SMIM1: variants seen among roughly 807,000 people sequenced by gnomAD.
The protein encoded by SMIM1 is small integral membrane protein 1 (Vel blood group).
In SMIM1, 7 loss-of-function variants were observed where a neutral mutation model predicts 7.7. The ratio of observed to expected loss-of-function variants is 0.91; its 90% CI spans 0.52 to 1.71. SMIM1 has a LOEUF of 1.71. Among genes scored for constraint, SMIM1 ranks in the 40% most tolerant of loss-of-function variants. The pLI, the probability that SMIM1 is intolerant of heterozygous loss-of-function variation, is 0.00. For synonymous variants in SMIM1, 41 were observed against 42.7 expected, an observed-to-expected ratio of 0.96 and a Z score of 0.16; for missense variants, 95 against 102.8, an observed-to-expected ratio of 0.92 and a Z score of 0.33.
At position 3,775,028 on chromosome 1, in the gene SMIM1, C is replaced by A. The variant is rs9424296; in HGVS notation, c.-75-271C>A. Among the ~76,000 whole-genome samples the A allele has an allele frequency of 0.081, 12,340 of 152,170 alleles. 1,353 individuals are homozygous for A. The highest frequency in any genetic ancestry group is 0.54 in the East Asian group (2,792 of 5,150). ...TGTGCAGGCTCCCTGATAAAAGCAC[C>A]GGGGAAGGGAGGCTCCTGGAGTGTG... On this transcript the variant is annotated intron_variant, in intron 2 of 3. Coordinates refer to ENST00000642557, the MANE Select transcript of SMIM1 (RefSeq NM_001288583.2). The surrounding 1 kb of genome is among the most constrained non-coding windows in gnomAD (Gnocchi z 5.3).
At position 3,775,286 on chromosome 1, in the gene SMIM1, G is replaced by C; in HGVS notation, c.-75-13G>C. On this transcript the variant is annotated splice_polypyrimidine_tract_variant and intron_variant, in intron 2 of 3. Coordinates refer to ENST00000642557, the MANE Select transcript of SMIM1 (RefSeq NM_001288583.2). The surrounding 1 kb of genome is among the most constrained non-coding windows in gnomAD (Gnocchi z 5.3). ...GGGTCTTGACTGCCGCCCTCCATCCGCTTGTTTTACAGTGAAGCCACAGCC... is the reference window on the plus strand; with the variant it reads ...GGGTCTTGACTGCCGCCCTCCATCCCCTTGTTTTACAGTGAAGCCACAGCC... 1 of 994,308 alleles carries C rather than the reference G, an allele frequency of 1.0e-6. No individual in the cohort carries two copies. Among genetic ancestry groups the C allele is most frequent in the East Asian group, 2.7e-5 (1 of 36,992 alleles). The allele number at this position is 994,308 out of a possible 1,614,324, so 61.6% of individuals were successfully genotyped here.
intron 2 of SMIM1, among the ~76,000 whole-genome samples, chr1:3,774,969 G>A (rs1643435646): frequency 6.6e-6 from 1 of 152,110 alleles, no homozygotes; most frequent in Admixed American, 6.5e-5. Context: ...CCTAGATTGG[G>A]CCACAATGTC....
At chr1:3,773,471 A>G (rs2124602722) in intron 2 of SMIM1, among the ~76,000 whole-genome samples, 1 of 152,252 alleles carries the variant, frequency 6.6e-6, no homozygotes, top group Admixed American at 6.5e-5. Context: ...GCAAGACAGG[A>G]ACCCATGATC....
At position 3,775,604 on chromosome 1, in the gene SMIM1, G is replaced by A. The variant is rs1295591945; in HGVS notation, c.110+121G>A. The A allele has an allele frequency of 1.2e-5, 15 of 1,275,844 alleles. No homozygotes were observed. The East Asian group carries it at 1.5e-4, about 13-fold the overall frequency. The allele number at this position is 1,275,844 out of a possible 1,614,324, so 79.0% of individuals were successfully genotyped here. ...CACCCCATCCTGGCTGGGAGCCCAC[G>A]GTCCAGCAGCTCAGCAAACCGCAGC... On this transcript the variant is annotated intron_variant, in intron 3 of 3. Coordinates refer to ENST00000642557, the MANE Select transcript of SMIM1 (RefSeq NM_001288583.2). This position sits in a 1 kb window ranked among gnomAD's most constrained non-coding sequence, Gnocchi z 5.3.
At position 3,775,201 on chromosome 1, in the gene SMIM1, C is replaced by G. The variant is rs1643439304; in HGVS notation, c.-75-98C>G. Reference sequence around the variant, plus strand: ...GTCACCTGTTAAGTCAGGCGACAGACCCGGTGAGGGAGTCAGCCCCCGACC... The same window carrying G: ...GTCACCTGTTAAGTCAGGCGACAGAGCCGGTGAGGGAGTCAGCCCCCGACC... On this transcript the variant is annotated intron_variant, in intron 2 of 3. Coordinates refer to ENST00000642557, the MANE Select transcript of SMIM1 (RefSeq NM_001288583.2). This position sits in a 1 kb window ranked among gnomAD's most constrained non-coding sequence, Gnocchi z 5.3. 7.3e-6 allele frequency: 4 copies of G among 544,756 alleles called. No homozygotes were observed. In the South Asian group the frequency reaches 8.9e-5, roughly 12 times the overall value. 33.7% of individuals were successfully genotyped at this position (544,756 alleles called of 1,614,324 possible).
chr1:3,775,145 T>C lies in SMIM1; in HGVS notation c.-75-154T>C, dbSNP rs1643438275. 6.6e-6 allele frequency among the ~76,000 whole-genome samples: 1 copy of C among 152,080 alleles called. No homozygotes were observed. Among genetic ancestry groups the C allele is most frequent in the Non-Finnish European group, 1.5e-5 (1 of 67,998 alleles). ...TGGTCCCATCCTCCCGGCCTGACCC[T>C]GGGCAAATGACTCTACCACTTTGTG... On this transcript the variant is annotated intron_variant, in intron 2 of 3. Transcript: ENST00000642557. This position sits in a 1 kb window ranked among gnomAD's most constrained non-coding sequence, Gnocchi z 5.3.
chr1:3,775,761 C>G lies in SMIM1; in HGVS notation c.111-34C>G, dbSNP rs1207449850. The stretch of plus-strand genomic sequence containing the variant: ...TAGGGGGCCCCTCATGCGGCCCTGG[C>G]CTGGGGCTCACCTCCAGTTGGTTCT... On this transcript the variant is annotated intron_variant, in intron 3 of 3. Coordinates refer to ENST00000642557, the MANE Select transcript of SMIM1 (RefSeq NM_001288583.2). This position sits in a 1 kb window ranked among gnomAD's most constrained non-coding sequence, Gnocchi z 5.3. The G allele has an allele frequency of 6.5e-7, 1 of 1,544,118 alleles. No homozygotes were observed. The highest frequency in any genetic ancestry group is 1.4e-5 in the African/African-American group (1 of 73,020).
Position 3,775,557 on chromosome 1 carries a change from T to C in SMIM1, c.110+74T>C. 7.2e-7 allele frequency: 1 copy of C among 1,381,506 alleles called. No individual in the cohort carries two copies. Among genetic ancestry groups the C allele is most frequent in the South Asian group, 1.3e-5 (1 of 76,970 alleles). The allele number at this position is 1,381,506 out of a possible 1,614,324, so 85.6% of individuals were successfully genotyped here. The stretch of plus-strand genomic sequence containing the variant: ...CTCCAGAGACGCCTGCCCTAACCCC[T>C]GCTACCGGCCCCATCACCCTCCACC... On this transcript the variant is annotated intron_variant, in intron 3 of 3. Transcript: ENST00000642557. The surrounding 1 kb of genome is among the most constrained non-coding windows in gnomAD (Gnocchi z 5.3).
intron 2 of SMIM1, among the ~76,000 whole-genome samples, chr1:3,774,523 C>T (rs1280662732): frequency 6.6e-6 from 1 of 152,204 alleles, no homozygotes; most frequent in Non-Finnish European, 1.5e-5. Context: ...AGGCACCGAG[C>T]TGAGTGCCGA....
rs368765485 is a variant in SMIM1, at chr1:3,775,337, C to A, written c.-37C>A. Reference sequence around the variant, plus strand: ...TGGCCACCTGTCTTGATCTCCCCACCGAGAAGGCCCCGCCCCTCCCGCTGC... The same window carrying A: ...TGGCCACCTGTCTTGATCTCCCCACAGAGAAGGCCCCGCCCCTCCCGCTGC... On this transcript the variant is annotated 5_prime_UTR_variant, in exon 3 of 4. Coordinates refer to ENST00000642557, the MANE Select transcript of SMIM1 (RefSeq NM_001288583.2). This position sits in a 1 kb window ranked among gnomAD's most constrained non-coding sequence, Gnocchi z 5.3. 5 of 1,506,852 alleles carry A rather than the reference C, an allele frequency of 3.3e-6. No individual in the cohort carries two copies. Among genetic ancestry groups the A allele is most frequent in the South Asian group, 1.2e-5 (1 of 82,754 alleles). The allele number at this position is 1,506,852 out of a possible 1,614,324, so 93.3% of individuals were successfully genotyped here.
chr1:3,774,812 C>T (rs950600185), intron 2 of SMIM1, among the ~76,000 whole-genome samples: 1 of 152,156 alleles, frequency 6.6e-6, no homozygotes. Flanking sequence ...GCATCCTCCC[C>T]AGACAGGGAC....
chr1:3,773,787 T>A (rs1258208813), intron 2 of SMIM1, among the ~76,000 whole-genome samples: 2 of 152,192 alleles, frequency 1.3e-5, no homozygotes, highest in African/African-American at 4.8e-5. Context: ...TCATGGCTGT[T>A]ACCTGGGGCT....
rs894907909 is a variant in SMIM1 at position 3,775,848 on chromosome 1, G to T, written c.164G>T (p.Gly55Val). The stretch of plus-strand genomic sequence containing the variant: ...CTGGGCATCGCCATGAAGGTGCTGG[G>T]CGGCGTGGCCCTCTTCTGGATCATC... Reference protein sequence around the residue: ...GKLGIAMKVLGGVALFWIIFI... With the variant: ...GKLGIAMKVLVGVALFWIIFI... The change falls in exon 4 of 4, where the codon GGC (glycine) becomes GTC (valine). Residue 55 changes from glycine to valine, a missense_variant. Transcript: ENST00000642557. The surrounding 1 kb of genome is among the most constrained non-coding windows in gnomAD (Gnocchi z 5.3). The T allele has an allele frequency of 2.3e-5, 35 of 1,550,980 alleles. No homozygotes were observed. The highest frequency in any genetic ancestry group is 3.1e-5 in the Non-Finnish European group (35 of 1,146,936).
Position 3,775,234 on chromosome 1 carries a change from C to A in SMIM1, c.-75-65C>A. ...GGGAGTCAGCCCCCGACCCTTAGTG[C>A]CCCTCTCCTAACAGCAGCCTCAGAG... On this transcript the variant is annotated intron_variant, in intron 2 of 3. Coordinates refer to ENST00000642557, the MANE Select transcript of SMIM1 (RefSeq NM_001288583.2). The surrounding 1 kb of genome is among the most constrained non-coding windows in gnomAD (Gnocchi z 5.3). The A allele has an allele frequency of 1.7e-6, 1 of 601,356 alleles. No individual in the cohort carries two copies. 37.3% of individuals were successfully genotyped at this position (601,356 alleles called of 1,614,324 possible). A position where few individuals can be genotyped will look rare whatever the true frequency, so the allele number is the denominator to read the frequency against.
chr1:3,775,722 G>T lies in SMIM1; in HGVS notation c.111-73G>T. Reference sequence around the variant, plus strand: ...GCCCCTCCCCCTGACCCAGACCAACGGCCACAGTCCACTTAGGGGGCCCCT... The same window carrying T: ...GCCCCTCCCCCTGACCCAGACCAACTGCCACAGTCCACTTAGGGGGCCCCT... On this transcript the variant is annotated intron_variant, in intron 3 of 3. Coordinates refer to ENST00000642557, the MANE Select transcript of SMIM1 (RefSeq NM_001288583.2). The surrounding 1 kb of genome is among the most constrained non-coding windows in gnomAD (Gnocchi z 5.3). 1 of 1,499,732 alleles carries T rather than the reference G, an allele frequency of 6.7e-7. No individual in the cohort carries two copies. 92.9% of individuals were successfully genotyped at this position (1,499,732 alleles called of 1,614,324 possible). A position where few individuals can be genotyped will look rare whatever the true frequency, so the allele number is the denominator to read the frequency against.
At chr1:3,773,635 C>T (rs1643415483) in intron 2 of SMIM1, among the ~76,000 whole-genome samples, 1 of 152,182 alleles carries the variant, frequency 6.6e-6, no homozygotes, top group Non-Finnish European at 1.5e-5. Context: ...CCAGCCATCA[C>T]GTCGAGTCTG....
At position 3,775,805 on chromosome 1, in the gene SMIM1, A is replaced by C. The variant is rs1252909527; in HGVS notation, c.121A>C (p.Arg41=). ...TGGTTCTCACCCCAGGATCTCCCAG[A>C]GGCTGTGCACGGGCAAGCTGGGCAT... The part of the protein sequence containing the change: ...EASRCRRISQ[R]LCTGKLGIAM... Residue 41 remains arginine, a synonymous_variant, in exon 4 of 4, where the codon AGG becomes CGG. Transcript: ENST00000642557. The surrounding 1 kb of genome is among the most constrained non-coding windows in gnomAD (Gnocchi z 5.3). 6.4e-7 allele frequency: 1 copy of C among 1,550,396 alleles called. No homozygotes were observed. The highest frequency in any genetic ancestry group is 2.4e-5 in the East Asian group (1 of 40,902).
chr1:3,775,204 G>A lies in SMIM1; in HGVS notation c.-75-95G>A, dbSNP rs1481988049. The A allele has an allele frequency of 5.5e-6, 3 of 541,010 alleles. No individual in the cohort carries two copies. Among genetic ancestry groups the A allele is most frequent in the South Asian group, 2.3e-5 (1 of 44,048 alleles). The allele number at this position is 541,010 out of a possible 1,614,324, so 33.5% of individuals were successfully genotyped here. A position where few individuals can be genotyped will look rare whatever the true frequency, so the allele number is the denominator to read the frequency against. ...ACCTGTTAAGTCAGGCGACAGACCC[G>A]GTGAGGGAGTCAGCCCCCGACCCTT... On this transcript the variant is annotated intron_variant, in intron 2 of 3. Coordinates refer to ENST00000642557, the MANE Select transcript of SMIM1 (RefSeq NM_001288583.2). This position sits in a 1 kb window ranked among gnomAD's most constrained non-coding sequence, Gnocchi z 5.3.
Position 3,775,492 on chromosome 1 carries a change from C to T in SMIM1, c.110+9C>T. On this transcript the variant is annotated intron_variant, in intron 3 of 3. Transcript: ENST00000642557. This position sits in a 1 kb window ranked among gnomAD's most constrained non-coding sequence, Gnocchi z 5.3. ...GCCTCACGCTGCCGCAGGTGAGGGG[C>T]CTGAGGGCAGCCTGCCAGCCATAGC... 1 of 1,546,426 alleles carries T rather than the reference C, an allele frequency of 6.5e-7. No individual in the cohort carries two copies. The highest frequency in any genetic ancestry group is 2.0e-5 in the Admixed American group (1 of 50,816).
Sources: allele counts gnomAD v4.1 joint callset (sites outside exome capture counted in the v4.1 genomes callset), GRCh38; gene constraint gnomAD v4.1.1; non-coding constraint Gnocchi (gnomAD v3.1); transcripts MANE v1.5; gene names NCBI Gene and HGNC (gene_info 2026-07-23, HGNC 2026-07-21).